MDGA1: variants seen among roughly 807,000 people sequenced by gnomAD.
MDGA1 encodes MAM domain containing glycosylphosphatidylinositol anchor 1, also known as MAM domain-containing glycosylphosphatidylinositol anchor protein 1.
A neutral mutation model predicts 101.5 loss-of-function variants in MDGA1; 54 were observed. The observed-to-expected ratio is 0.53, with a 90% CI of 0.43 to 0.67. The LOEUF (loss-of-function observed/expected upper bound fraction) is 0.67, where lower values mean the gene tolerates loss of function less well. Ranked by LOEUF, MDGA1 falls within the 30% of genes least tolerant of loss-of-function variation. The pLI, the probability that MDGA1 is intolerant of heterozygous loss-of-function variation, is 0.00. For missense variants in MDGA1, 1,083 were observed against 1,323.8 expected (o/e 0.82, Z 2.82); for synonymous variants, 533 against 558.3 (o/e 0.95, Z 0.64).
chr6:37,663,519 T>G (rs1761672872), intron 2 of MDGA1, among the ~76,000 whole-genome samples: 1 of 152,182 alleles, frequency 6.6e-6, no homozygotes, highest in African/African-American at 2.4e-5. Context: ...GCTTGGGAGT[T>G]TACCCAACCT....
At chr6:37,644,725 C>T (rs934149338) in intron 12 of MDGA1, 76 bp from the exon 13 acceptor site, 5 of 1,369,240 alleles carry the variant, frequency 3.7e-6, no homozygotes, top group East Asian at 5.7e-5. Flanking sequence ...CCTCTCACCC[C>T]CCAGAGGCAG....
At position 37,644,355 on chromosome 6, in the gene MDGA1, C is replaced by CCTCA. The variant is rs1230319786; in HGVS notation, c.2401+138_2401+141dup. ...TCCCTGAAATCGAGGCTGTGTCTCCCCTCAGACCAGAGCTCCCTGAGAACA... is the reference window on the plus strand; with the variant it reads ...TCCCTGAAATCGAGGCTGTGTCTCCCCTCACTCAGACCAGAGCTCCCTGAGAACA... On this transcript the variant is annotated intron_variant, in intron 13 of 16. Coordinates refer to ENST00000434837, the MANE Select transcript of MDGA1 (RefSeq NM_153487.4). 1.4e-5 allele frequency: 13 copies of CCTCA among 957,590 alleles called. No homozygotes were observed. The African/African-American group carries it at 2.2e-4, about 16-fold the overall frequency. The allele number at this position is 957,590 out of a possible 1,614,324, so 59.3% of individuals were successfully genotyped here.
chr6:37,647,608 T>G, intron 9 of MDGA1, among the ~76,000 whole-genome samples: 2 of 143,172 alleles, frequency 1.4e-5, no homozygotes, highest in African/African-American at 2.6e-5. Context: ...AAAAACAGAG[T>G]AAAGAGAAAT....
chr6:37,684,972 G>A (rs1236421119), intron 1 of MDGA1, among the ~76,000 whole-genome samples: 1 of 152,118 alleles, frequency 6.6e-6, no homozygotes, highest in Non-Finnish European at 1.5e-5. Context: ...ATCCCTCTCA[G>A]AGATGGGGGA....
intron 2 of MDGA1, among the ~76,000 whole-genome samples, chr6:37,661,281 A>G (rs908235355): frequency 2.0e-5 from 3 of 152,134 alleles, no homozygotes; most frequent in Admixed American, 2.0e-4. Context: ...TAGGCTCCTC[A>G]ACTTCTGCTA....
At chr6:37,637,855 T>A (rs1763965085) in intron 16 of MDGA1, 1 of 526,796 alleles carries the variant, frequency 1.9e-6, no homozygotes. Flanking sequence ...GCTCAGTAAG[T>A]AGGAGCTGTT....
At chr6:37,674,107 G>A (rs1761927709) in intron 1 of MDGA1, among the ~76,000 whole-genome samples, 1 of 152,160 alleles carries the variant, frequency 6.6e-6, no homozygotes, top group Admixed American at 6.5e-5. Flanking sequence ...AAGAACCTCT[G>A]CCCTCTCCCT....
intron 1 of MDGA1, 64 bp from the exon 2 acceptor site, chr6:37,664,170 G>A (rs988047848): frequency 1.9e-6 from 3 of 1,597,310 alleles, no homozygotes; most frequent in African/African-American, 2.7e-5. Flanking sequence ...GAAGTCTGGG[G>A]CTCCCTCCTG....
At position 37,697,115 on chromosome 6, in the gene MDGA1, T is replaced by G. The variant is rs2127326472; in HGVS notation, c.-304A>C. On this transcript the variant is annotated 5_prime_UTR_variant, in exon 1 of 17. Coordinates refer to ENST00000434837, the MANE Select transcript of MDGA1 (RefSeq NM_153487.4). ...AGCCCGGCCGCCGAGCCGCCCCGGGTACCCAGGGCCGTCCGCGCGGGATGC... is the reference window on the plus strand; with the variant it reads ...AGCCCGGCCGCCGAGCCGCCCCGGGGACCCAGGGCCGTCCGCGCGGGATGC... 3.0e-4 allele frequency: 74 copies of G among 250,546 alleles called. No individual in the cohort carries two copies. The highest frequency in any genetic ancestry group is 1.2e-3 in the Middle Eastern group (1 of 816). The allele number at this position is 250,546 out of a possible 1,614,324, so 15.5% of individuals were successfully genotyped here.
rs773586129 is a variant in MDGA1, at chr6:37,638,134, A to G, written c.2776+71T>C. 7 of 1,304,256 alleles carry G rather than the reference A, an allele frequency of 5.4e-6. No individual in the cohort carries two copies. Among genetic ancestry groups the G allele is most frequent in the Non-Finnish European group, 7.7e-6 (7 of 906,960 alleles). 80.8% of individuals were successfully genotyped at this position (1,304,256 alleles called of 1,614,324 possible). On this transcript the variant is annotated intron_variant, in intron 16 of 16. Coordinates refer to ENST00000434837, the MANE Select transcript of MDGA1 (RefSeq NM_153487.4). This position sits in a 1 kb window ranked among gnomAD's most constrained non-coding sequence, Gnocchi z 4.8. ...TATTCAGACCCAAACACCCTCCCTC[A>G]ACAGACAGGAACCCCCGCCACGCAC...
At chr6:37,665,868 TC>T (rs1318470638) in intron 1 of MDGA1, among the ~76,000 whole-genome samples, 2 of 152,122 alleles carry the variant, frequency 1.3e-5, no homozygotes, top group Non-Finnish European at 2.9e-5. Flanking sequence ...ATGTGTGCAT[TC>T]CCCCTTTGTG....
At chr6:37,647,465 A>T (rs1761235232) in intron 9 of MDGA1, 141 bp from the exon 10 acceptor site, 63 of 450,206 alleles carry the variant, frequency 1.4e-4, no homozygotes, top group East Asian at 1.9e-4. Flanking sequence ...GAATATTGTG[A>T]GGTGGGGAAC....
At position 37,658,337 on chromosome 6, in the gene MDGA1, C is replaced by A. The variant is rs770466255; in HGVS notation, c.290G>T (p.Arg97Leu). 3 of 1,613,160 alleles carry A rather than the reference C, an allele frequency of 1.9e-6. No individual in the cohort carries two copies. Among genetic ancestry groups the A allele is most frequent in the Admixed American group, 3.3e-5 (2 of 59,982 alleles). ...SVFNETLRIE[R>L]IARTQGGRYY... ...GCGGCCGCCCTGCGTGCGTGCAATA[C>A]GCTCGATGCGCAGCGTCTCGTTGAA... The change falls in exon 3 of 17, where the codon CGT becomes CTT. Residue 97 changes from arginine to leucine, a missense_variant. Arg to Leu is a moderately radical substitution (Grantham distance 102). This residue lies in a region of MDGA1 where 310 missense variants were observed against 355.9 expected (regional missense o/e 0.87). Coordinates refer to ENST00000434837, the MANE Select transcript of MDGA1 (RefSeq NM_153487.4).
At chr6:37,689,371 C>T (rs576674406) in intron 1 of MDGA1, among the ~76,000 whole-genome samples, 11 of 152,352 alleles carry the variant, frequency 7.2e-5, no homozygotes, top group African/African-American at 2.4e-4. Flanking sequence ...ATTGTCCACC[C>T]GATTTGTCGA....
intron 3 of MDGA1, among the ~76,000 whole-genome samples, 177 bp downstream of exon 3, chr6:37,658,068 C>T (rs556911857): frequency 6.6e-5 from 10 of 152,320 alleles, no homozygotes; most frequent in Non-Finnish European, 1.3e-4. Context: ...ATTACAGGTG[C>T]GAAGGTGTAG....
chr6:37,695,275 A>G (rs1041170113), intron 1 of MDGA1, among the ~76,000 whole-genome samples: 1 of 152,160 alleles, frequency 6.6e-6, no homozygotes, highest in African/African-American at 2.4e-5. Context: ...GAAAGAAGAA[A>G]GTGAAACCCC....
rs1762433373 is a variant in MDGA1, at chr6:37,696,892, GC to G, written c.-82del. The G allele has an allele frequency of 2.6e-6, 3 of 1,142,940 alleles. No homozygotes were observed. Among genetic ancestry groups the G allele is most frequent in the Non-Finnish European group, 3.9e-6 (3 of 776,792 alleles). The allele number at this position is 1,142,940 out of a possible 1,614,324, so 70.8% of individuals were successfully genotyped here. A position where few individuals can be genotyped will look rare whatever the true frequency, so the allele number is the denominator to read the frequency against. On this transcript the variant is annotated 5_prime_UTR_variant, in exon 1 of 17. Transcript: ENST00000434837. The surrounding 1 kb of genome is among the most constrained non-coding windows in gnomAD (Gnocchi z 5.6). Reference sequence around the variant, plus strand: ...GGCGCATTCGCCGGGGCCCCGCGACGCCCCTATGTCCCCCCCTTTCCCTGAG... The same window carrying G: ...GGCGCATTCGCCGGGGCCCCGCGACGCCCTATGTCCCCCCCTTTCCCTGAG...
chr6:37,654,534 G>A lies in MDGA1; in HGVS notation c.722C>T (p.Ala241Val), dbSNP rs1761438823. Reference sequence around the variant, plus strand: ...AGTTTCGTTCACAGACAGCTTCAGGGCTGGTGGTGCTAAGAGGACAAGGAG... The same window carrying A: ...AGTTTCGTTCACAGACAGCTTCAGGACTGGTGGTGCTAAGAGGACAAGGAG... ...FRLTNTTAPP[A>V]LKLSVNETLV... The change falls in exon 6 of 17, where the codon GCC becomes GTC. Residue 241 changes from alanine (A) to valine (V), a missense_variant. Ala to Val is a moderately conservative substitution (Grantham distance 64). Transcript: ENST00000434837. 4 of 1,613,912 alleles carry A rather than the reference G, an allele frequency of 2.5e-6. No individual in the cohort carries two copies. In the South Asian group the frequency reaches 4.4e-5, roughly 18 times the overall value.
Position 37,654,353 on chromosome 6 carries a change from C to T in MDGA1, c.903G>A (p.Arg301=), listed in dbSNP as rs1453838278. Residue 301 remains arginine (R), a synonymous_variant, in exon 6 of 17, where the codon CGG becomes CGA. Coordinates refer to ENST00000434837, the MANE Select transcript of MDGA1 (RefSeq NM_153487.4). The part of the protein sequence containing the change: ...GTLSIPSVQA[R]DSGYYNCTAT... ...CTGTGCAGTTGTAGTAGCCAGAGTC[C>T]CGGGCCTGCACTGAAGGGATGCTGA... 2 of 1,610,946 alleles carry T rather than the reference C, an allele frequency of 1.2e-6. No individual in the cohort carries two copies. The highest frequency in any genetic ancestry group is 2.2e-5 in the South Asian group (2 of 90,716).
Sources: allele counts gnomAD v4.1 joint callset (sites outside exome capture counted in the v4.1 genomes callset), GRCh38; gene constraint gnomAD v4.1.1; regional missense constraint gnomAD v4.1.1; non-coding constraint Gnocchi (gnomAD v3.1); transcripts MANE v1.5; gene names NCBI Gene and HGNC (gene_info 2026-07-23, HGNC 2026-07-21).